The following EXOC4 variants were observed in gnomAD, a reference collection of about 807,000 sequenced individuals.
EXOC4 encodes the protein exocyst complex component 4, also known as SEC8-like 1.
A neutral mutation model predicts 107.2 loss-of-function variants in EXOC4; 71 were observed. The observed-to-expected ratio is 0.66, with a 90% CI of 0.55 to 0.81. The LOEUF (loss-of-function observed/expected upper bound fraction) is 0.81. EXOC4 is among the 30% of genes least tolerant of loss of function. The pLI is 0.00. For synonymous variants in EXOC4, 456 were observed against 441.2 expected (o/e 1.03, Z -0.42); for missense variants, 1,108 against 1,189.6 (o/e 0.93, Z 1.01).
chr7:133,767,648 T>C (rs1035468357), intron 10 of EXOC4, among the ~76,000 whole-genome samples: 2 of 151,972 alleles, frequency 1.3e-5, no homozygotes, highest in African/African-American at 4.8e-5. Flanking sequence ...CATGAAAACA[T>C]ATGAAACTTA....
intron 9 of EXOC4, among the ~76,000 whole-genome samples, chr7:133,575,805 T>A (rs1801114930): frequency 6.6e-6 from 1 of 152,182 alleles, no homozygotes; most frequent in African/African-American, 2.4e-5. Flanking sequence ...TTTCTTCATC[T>A]CCAGGTTCAT....
At chr7:133,732,805 C>A in intron 10 of EXOC4, 1 of 167,582 alleles carries the variant, frequency 6.0e-6, no homozygotes. Flanking sequence ...TTTGGCAGAC[C>A]TGTTGGTGCT....
chr7:133,470,978 G>A (rs1179574941), intron 7 of EXOC4, among the ~76,000 whole-genome samples: 1 of 152,078 alleles, frequency 6.6e-6, no homozygotes, highest in Non-Finnish European at 1.5e-5. Flanking sequence ...CCATGATGTG[G>A]AATCATCAAT....
intron 7 of EXOC4, among the ~76,000 whole-genome samples, chr7:133,464,735 G>A (rs1385034430): frequency 1.4e-5 from 2 of 143,984 alleles, no homozygotes; most frequent in East Asian, 2.1e-4. Context: ...GTAAAATTGT[G>A]TTAGTTAATT....
At chr7:133,798,422 GGCATAT>G (rs1796860391) in intron 10 of EXOC4, among the ~76,000 whole-genome samples, 3 of 5,476 alleles carry the variant, frequency 5.5e-4, no homozygotes, top group African/African-American at 1.0e-3. Flanking sequence ...TAATTTTCTT[GGCATAT>G]TTACAAAGAA....
intron 14 of EXOC4, among the ~76,000 whole-genome samples, chr7:133,949,032 T>A (rs1563068093): frequency 6.6e-6 from 1 of 152,180 alleles, no homozygotes; most frequent in African/African-American, 2.4e-5. Context: ...ATAAATGGTA[T>A]TTAATAATAC....
At chr7:133,935,054 T>A (rs1182753309) in intron 13 of EXOC4, among the ~76,000 whole-genome samples, 1 of 151,904 alleles carries the variant, frequency 6.6e-6, no homozygotes, top group Non-Finnish European at 1.5e-5. Context: ...TTCTCTGCTA[T>A]GACATGAAGC....
At chr7:133,294,295 A>G (rs1210110155) in intron 3 of EXOC4, among the ~76,000 whole-genome samples, 11 of 152,182 alleles carry the variant, frequency 7.2e-5, no homozygotes, top group Admixed American at 7.2e-4. Flanking sequence ...ATGTGTGTAG[A>G]AGTCTGCATC....
intron 13 of EXOC4, among the ~76,000 whole-genome samples, chr7:133,921,146 G>T (rs993284965): frequency 1.3e-5 from 2 of 152,172 alleles, no homozygotes; most frequent in Non-Finnish European, 2.9e-5. Context: ...AGGGTTAGAG[G>T]GTGGGGCTAG....
chr7:133,853,344 TAACACACA>T (rs1563027481), intron 11 of EXOC4, among the ~76,000 whole-genome samples: 2 of 78,984 alleles, frequency 2.5e-5, no homozygotes, highest in Non-Finnish European at 2.7e-5. Flanking sequence ...TCTCTCTCTT[TAACACACA>T]CACACACACA....
chr7:134,030,943 G>C (rs576646979), intron 17 of EXOC4, among the ~76,000 whole-genome samples: 1 of 152,126 alleles, frequency 6.6e-6, no homozygotes, highest in Admixed American at 6.5e-5. Flanking sequence ...CCACCACCCT[G>C]ACTGATCTCC....
chr7:133,330,314 A>G (rs1172526110), intron 5 of EXOC4, among the ~76,000 whole-genome samples: 10 of 151,926 alleles, frequency 6.6e-5, no homozygotes, highest in African/African-American at 1.9e-4. Flanking sequence ...GACTGCTGCT[A>G]TGCTGGCACC....
chr7:133,896,390 A>G (rs1799308393), intron 12 of EXOC4, among the ~76,000 whole-genome samples: 1 of 152,224 alleles, frequency 6.6e-6, no homozygotes, highest in Non-Finnish European at 1.5e-5. Context: ...GAAGAAAAGA[A>G]TGTATAATAA....
chr7:133,833,392 A>G (rs1488261260), intron 11 of EXOC4, among the ~76,000 whole-genome samples: 1 of 152,210 alleles, frequency 6.6e-6, no homozygotes, highest in Non-Finnish European at 1.5e-5. Flanking sequence ...TTCCTCCCAG[A>G]TATTTCTTAT....
At chr7:133,799,752 G>C (rs1796893986) in intron 10 of EXOC4, among the ~76,000 whole-genome samples, 2 of 152,156 alleles carry the variant, frequency 1.3e-5, no homozygotes, top group Admixed American at 1.3e-4. Flanking sequence ...GATTAGTCTA[G>C]TGGTGAAATA....
intron 11 of EXOC4, among the ~76,000 whole-genome samples, chr7:133,871,950 C>G (rs1009566990): frequency 2.0e-5 from 3 of 152,162 alleles, no homozygotes; most frequent in Admixed American, 2.0e-4. Flanking sequence ...AAAATAAACA[C>G]TTATATTTGT....
chr7:133,304,937 C>G (rs1396664470), intron 3 of EXOC4, among the ~76,000 whole-genome samples: 1 of 152,168 alleles, frequency 6.6e-6, no homozygotes, highest in Non-Finnish European at 1.5e-5. Flanking sequence ...CCTGTCATTT[C>G]TATTTTCTCT....
At chr7:133,554,938 G>A (rs1207234390) in intron 9 of EXOC4, among the ~76,000 whole-genome samples, 2 of 152,104 alleles carry the variant, frequency 1.3e-5, no homozygotes, top group Admixed American at 6.6e-5. Context: ...TTTCCCTTAG[G>A]TATAGCAGCA....
At chr7:133,254,306 A>G (rs1365267691) in intron 1 of EXOC4, among the ~76,000 whole-genome samples, 1 of 152,192 alleles carries the variant, frequency 6.6e-6, no homozygotes, top group Non-Finnish European at 1.5e-5. Context: ...GGCTTAAGAG[A>G]AAAACATCTC....
Sources: allele counts gnomAD v4.1 joint callset (sites outside exome capture counted in the v4.1 genomes callset), GRCh38; gene constraint gnomAD v4.1.1; transcripts MANE v1.5; gene names NCBI Gene and HGNC (gene_info 2026-07-23, HGNC 2026-07-21).